Variants in CFAP91 observed in about 807,000 individuals in gnomAD.
CFAP91 encodes the protein cilia and flagella associated protein 91, also known as cilia- and flagella-associated protein 91.
Under a neutral mutation model 95.9 loss-of-function variants are expected in CFAP91, and 85 were observed. That is an observed-to-expected ratio of 0.89 (90% confidence interval 0.74 to 1.06). The LOEUF (loss-of-function observed/expected upper bound fraction) is 1.06. CFAP91 is among the 50% of genes least tolerant of loss of function. The pLI is 0.00. For missense variants in CFAP91, 962 were observed against 943.4 expected (o/e 1.02, Z -0.26); for synonymous variants, 335 against 327.5 (o/e 1.02, Z -0.25).
intron 14 of CFAP91, among the ~76,000 whole-genome samples, chr3:119,745,963 T>G (rs1245353108): frequency 1.3e-5 from 2 of 152,220 alleles, no homozygotes; most frequent in African/African-American, 4.8e-5. Context: ...GATACAAAGC[T>G]ATATTTAGAC....
intron 17 of CFAP91, among the ~76,000 whole-genome samples, chr3:119,763,414 C>T (rs981588278): frequency 3.3e-5 from 5 of 151,832 alleles, no homozygotes; most frequent in South Asian, 4.2e-4. Flanking sequence ...TATGGAGGTC[C>T]TCAAAAAATA....
At chr3:119,748,994 A>G (rs1310850681) in intron 16 of CFAP91, 1 of 152,242 alleles carries the variant, frequency 6.6e-6, no homozygotes, top group Non-Finnish European at 1.5e-5. Context: ...GTTGACTTGC[A>G]TCAATAGTGT....
intron 10 of CFAP91, 55 bp from the exon 11 acceptor site, chr3:119,737,311 A>C (rs1211466221): frequency 1.7e-6 from 2 of 1,163,538 alleles, no homozygotes; most frequent in Non-Finnish European, 2.5e-6. Context: ...TTACCTCTTA[A>C]ATTTATGCAA....
chr3:119,754,260 C>G (rs572842424), intron 17 of CFAP91, among the ~76,000 whole-genome samples: 147 of 152,286 alleles, frequency 9.7e-4, no homozygotes, highest in African/African-American at 3.3e-3. Context: ...GAAGGAAGAA[C>G]TTGCAAGCAA....
In CFAP91 at chr3:119,733,373, A is replaced by C. The variant is rs774698096; in HGVS notation, c.1211A>C (p.Glu404Ala). ...TGCTTCCTTCCCATAGGATTAGTGG[A>C]ACTTGAGTCATGTCTCCCAGATTTT... is the stretch of plus-strand genomic sequence containing the variant. ...YYLNTYEGLVELESCLPDFVT... is the reference protein window; with the variant it reads ...YYLNTYEGLVALESCLPDFVT... Residue 404 changes from glutamate to alanine, a missense_variant, in exon 10 of 18, where the codon GAA becomes GCA. Transcript: ENST00000273390. The C allele has an allele frequency of 6.2e-7, 1 of 1,614,058 alleles. No individual in the cohort carries two copies. The highest frequency in any genetic ancestry group is 1.1e-5 in the South Asian group (1 of 91,038).
intron 17 of CFAP91, among the ~76,000 whole-genome samples, chr3:119,756,429 C>T (rs573323215): frequency 6.6e-6 from 1 of 152,094 alleles, no homozygotes; most frequent in East Asian, 1.9e-4. Context: ...AGGAGATCTG[C>T]AACACAAGAA....
At chr3:119,746,888 A>G (rs1477286988) in intron 14 of CFAP91, among the ~76,000 whole-genome samples, 1 of 152,212 alleles carries the variant, frequency 6.6e-6, no homozygotes, top group Non-Finnish European at 1.5e-5. Flanking sequence ...AATAAGATCC[A>G]TAATTCTGAA....
chr3:119,751,816 G>T (rs966792535), intron 17 of CFAP91, among the ~76,000 whole-genome samples: 2 of 152,174 alleles, frequency 1.3e-5, no homozygotes, highest in Non-Finnish European at 1.5e-5. Context: ...CCCAGGGGCT[G>T]GAATCTCTTG....
intron 11 of CFAP91, among the ~76,000 whole-genome samples, chr3:119,738,910 C>G (rs1328988694): frequency 6.6e-6 from 1 of 152,028 alleles, no homozygotes; most frequent in Non-Finnish European, 1.5e-5. Context: ...CATGAAAAAT[C>G]CTATTGCAAA....
In CFAP91 at chr3:119,707,490, C is replaced by T; in HGVS notation, c.288C>T (p.Val96=). Residue 96 remains valine (V), a synonymous_variant, in exon 3 of 18, where the codon GTC becomes GTT. Coordinates refer to ENST00000273390, the MANE Select transcript of CFAP91 (RefSeq NM_033364.4). The part of the protein sequence containing the change: ...YSLYWSKSDP[V]PPFISREWKG... The stretch of plus-strand genomic sequence containing the variant: ...TATATTGGAGCAAGTCAGATCCTGT[C>T]CCACCATTTATCAGTCGGGAATGGA... 1 of 1,598,262 alleles carries T rather than the reference C, an allele frequency of 6.3e-7. No individual in the cohort carries two copies. The highest frequency in any genetic ancestry group is 8.6e-7 in the Non-Finnish European group (1 of 1,169,132).
Position 119,726,233 on chromosome 3 carries a change from G to A in CFAP91, c.745G>A (p.Ala249Thr), listed in dbSNP as rs371364868. The change falls in exon 7 of 18, where the codon GCT becomes ACT. Residue 249 changes from alanine to threonine, a missense_variant. By Grantham distance (58) the Ala-to-Thr change is moderately conservative. Coordinates refer to ENST00000273390, the MANE Select transcript of CFAP91 (RefSeq NM_033364.4). ...EMIERAREKR[A>T]WEASLPALSD... ...GATAGAAAGAGCCCGCGAGAAGCGT[G>A]CTTGGGAAGCCTCTCTCCCCGCTCT... 17 of 1,613,686 alleles carry A rather than the reference G, an allele frequency of 1.1e-5. No homozygotes were observed. The highest frequency in any genetic ancestry group is 1.4e-5 in the Non-Finnish European group (16 of 1,179,874).
At chr3:119,709,474 A>G (rs1474769618) in intron 4 of CFAP91, among the ~76,000 whole-genome samples, 1 of 152,226 alleles carries the variant, frequency 6.6e-6, no homozygotes, top group Non-Finnish European at 1.5e-5. Context: ...TGTCTCAGGA[A>G]CTTGAGAAGT....
chr3:119,706,228 G>A (rs1473626109), intron 1 of CFAP91: 1 of 152,418 alleles, frequency 6.6e-6, no homozygotes, highest in Non-Finnish European at 1.5e-5. Context: ...TATAATAGCA[G>A]GGCAATATTT....
At chr3:119,749,202 AGAGAG>A (rs958757399) in intron 16 of CFAP91, 2 of 152,166 alleles carry the variant, frequency 1.3e-5, no homozygotes, top group African/African-American at 4.8e-5. Context: ...TAGGATTGAA[AGAGAG>A]GAGGAAAACT....
At chr3:119,734,313 C>T (rs2053959577) in intron 10 of CFAP91, among the ~76,000 whole-genome samples, 1 of 152,192 alleles carries the variant, frequency 6.6e-6, no homozygotes, top group African/African-American at 2.4e-5. Flanking sequence ...ATCCTCAAAA[C>T]AGGACCTTAA....
intron 17 of CFAP91, among the ~76,000 whole-genome samples, chr3:119,758,056 T>TTTGG (rs947834016): frequency 2.6e-5 from 4 of 152,156 alleles, no homozygotes; most frequent in African/African-American, 7.2e-5. Context: ...AGTTTGTTTG[T>TTTGG]TTGGTTGGTT....
At chr3:119,757,815 G>T (rs1160404609) in intron 17 of CFAP91, among the ~76,000 whole-genome samples, 1 of 152,054 alleles carries the variant, frequency 6.6e-6, no homozygotes, top group Non-Finnish European at 1.5e-5. Context: ...GAGCTGTGTG[G>T]GCTGGCCTGA....
At chr3:119,717,548 T>TG (rs34808823) in intron 6 of CFAP91, among the ~76,000 whole-genome samples, 56,122 of 115,080 alleles carry the variant, frequency 0.49, 12,210 homozygotes, top group East Asian at 0.77. Flanking sequence ...TAAAATACGT[T>TG]GGTTTTTTTT....
intron 6 of CFAP91, among the ~76,000 whole-genome samples, chr3:119,724,833 C>A (rs1007365220): frequency 2.6e-5 from 4 of 152,136 alleles, no homozygotes; most frequent in Non-Finnish European, 5.9e-5. Context: ...CAACCTCCGC[C>A]TCTGGGGTTC....
Sources: allele counts gnomAD v4.1 joint callset (sites outside exome capture counted in the v4.1 genomes callset), GRCh38; gene constraint gnomAD v4.1.1; transcripts MANE v1.5; gene names NCBI Gene and HGNC (gene_info 2026-07-23, HGNC 2026-07-21).